The following PPRC1 variants were observed in gnomAD, a reference collection of about 807,000 sequenced individuals.
PPRC1 encodes the protein peroxisome proliferator-activated receptor gamma coactivator-related protein 1.
A neutral mutation model predicts 132.5 loss-of-function variants in PPRC1; 23 were observed. The ratio of observed to expected loss-of-function variants is 0.17; its 90% CI spans 0.12 to 0.25. The LOEUF is 0.25. Among genes scored for constraint, PPRC1 ranks in the 10% least tolerant of loss-of-function variants. The probability of loss-of-function intolerance (pLI) is 1.00; values close to 1 mark genes in which losing one functional copy is unlikely to be tolerated. For synonymous variants in PPRC1, 872 were observed against 833.5 expected (o/e 1.05, Z -0.80); for missense variants, 2,006 against 2,089.1 (o/e 0.96, Z 0.78).
In PPRC1 at chr10:102,139,084, C is replaced by T; in HGVS notation, c.592-16C>T. 6.2e-6 allele frequency: 10 copies of T among 1,607,322 alleles called. No individual in the cohort carries two copies. Among genetic ancestry groups the T allele is most frequent in the Non-Finnish European group, 8.5e-6 (10 of 1,175,468 alleles). ...CCAAAGAAAACTCCTCCTGAGACCTCTCTTCTCTCCTGCAGGTTGAAATGT... is the reference window on the plus strand; with the variant it reads ...CCAAAGAAAACTCCTCCTGAGACCTTTCTTCTCTCCTGCAGGTTGAAATGT... On this transcript the variant is annotated splice_polypyrimidine_tract_variant and intron_variant, in intron 4 of 13. Coordinates refer to ENST00000278070, the MANE Select transcript of PPRC1 (RefSeq NM_015062.5).
the PPRC1 span, among the ~76,000 whole-genome samples, chr10:102,127,020 C>CAT: frequency 1.0e-3 from 90 of 87,888 alleles, 1 homozygote; most frequent in East Asian, 2.3e-3. Context: ...GGTTTTTTAT[C>CAT]ATATATATAT....
intron 9 of PPRC1, among the ~76,000 whole-genome samples, chr10:102,147,936 T>C (rs1362513112): frequency 6.6e-6 from 1 of 152,182 alleles, no homozygotes; most frequent in African/African-American, 2.4e-5. Flanking sequence ...ACTACAAGTC[T>C]AGCAGTTAAC....
In PPRC1 at chr10:102,139,232, C is replaced by A; in HGVS notation, c.724C>A (p.Gln242Lys). Residue 242 changes from glutamine (Q) to lysine (K), a missense_variant, in exon 5 of 14, where the codon CAG (glutamine) becomes AAG (lysine). Gln to Lys is a moderately conservative substitution (Grantham distance 53). Around this residue, in one of 2 missense-constraint regions of PPRC1, gnomAD observed 1,914 missense variants for 1,917.2 expected, o/e 1.00. Transcript: ENST00000278070. ...CTGGGGCCAATCCCCACCTCCCCAGCAGCGCAGTGATGGAGAAGAAGAGGA... is the reference window on the plus strand; with the variant it reads ...CTGGGGCCAATCCCCACCTCCCCAGAAGCGCAGTGATGGAGAAGAAGAGGA... The part of the protein sequence containing the change: ...PRWGQSPPPQ[Q>K]RSDGEEEEEV... The A allele has an allele frequency of 6.2e-7, 1 of 1,614,186 alleles. No individual in the cohort carries two copies. Among genetic ancestry groups the A allele is most frequent in the Non-Finnish European group, 8.5e-7 (1 of 1,180,044 alleles).
At chr10:102,124,895 C>T in the PPRC1 span, among the ~76,000 whole-genome samples, 2 of 152,068 alleles carry the variant, frequency 1.3e-5, no homozygotes, top group Non-Finnish European at 2.9e-5. Flanking sequence ...ATCCTCCTGC[C>T]TTGACCTTCC....
upstream of PPRC1, among the ~76,000 whole-genome samples, chr10:102,130,919 G>A (rs558435914): frequency 1.6e-4 from 24 of 152,098 alleles, no homozygotes; most frequent in South Asian, 2.1e-4. Context: ...ATGGCCAGGC[G>A]TGGTGGCTCA....
At chr10:102,145,832 T>C (rs982655806) in intron 8 of PPRC1, among the ~76,000 whole-genome samples, 1 of 152,030 alleles carries the variant, frequency 6.6e-6, no homozygotes, top group African/African-American at 2.4e-5. Context: ...GCCACTGCCC[T>C]CCAGCCTAGG....
At chr10:102,128,775 G>A (rs1009560978), upstream of PPRC1, among the ~76,000 whole-genome samples, 16 of 148,938 alleles carry the variant, frequency 1.1e-4, no homozygotes, top group East Asian at 1.0e-3. Context: ...CCACCATGCC[G>A]GGCTAATTTT....
chr10:102,128,947 TGAGA>T (rs2068502456), upstream of PPRC1, among the ~76,000 whole-genome samples: 1 of 123,578 alleles, frequency 8.1e-6, no homozygotes, highest in Non-Finnish European at 1.7e-5. Context: ...TTTTTTTTTT[TGAGA>T]CGGAGTCTCG....
In PPRC1 at chr10:102,148,245, C is replaced by T. The variant is rs2069349243; in HGVS notation, c.4401-127C>T. On this transcript the variant is annotated intron_variant, in intron 9 of 13. Transcript: ENST00000278070. This position sits in a 1 kb window ranked among gnomAD's most constrained non-coding sequence, Gnocchi z 4.2. ...CTGAATGAAAATTGTTCTTCTAGAC[C>T]TCTTCTACTCTGCTTTGTCTTTGGT... 9.1e-7 allele frequency: 1 copy of T among 1,096,188 alleles called. No individual in the cohort carries two copies. Among genetic ancestry groups the T allele is most frequent in the South Asian group, 1.6e-5 (1 of 63,846 alleles). 67.9% of individuals were successfully genotyped at this position (1,096,188 alleles called of 1,614,324 possible).
chr10:102,148,719 A>G lies in PPRC1; in HGVS notation c.4617+25A>G, dbSNP rs1163144726. On this transcript the variant is annotated intron_variant, in intron 11 of 13. Transcript: ENST00000278070. The surrounding 1 kb of genome is among the most constrained non-coding windows in gnomAD (Gnocchi z 4.2). ...AGTGAGTAGAGGAACAGATCATGGG[A>G]GGATGGGGCTTACCCCCTGAGCCTT... 6.2e-7 allele frequency: 1 copy of G among 1,613,934 alleles called. No homozygotes were observed. The highest frequency in any genetic ancestry group is 1.3e-5 in the African/African-American group (1 of 74,906).
chr10:102,120,382 T>C, the PPRC1 span: 8 of 983,354 alleles, frequency 8.1e-6, no homozygotes, highest in African/African-American at 7.1e-5. Flanking sequence ...CGTGTGTGCG[T>C]GTGTGCGCGT....
At chr10:102,132,881 GACT>G, upstream of PPRC1, 1 of 808,236 alleles carries the variant, frequency 1.2e-6, no homozygotes, top group Non-Finnish European at 1.7e-6. Context: ...CACTTAAAGG[GACT>G]ACTACTCCCA....
intron 1 of PPRC1, among the ~76,000 whole-genome samples, chr10:102,135,815 A>C (rs1281384507): frequency 6.6e-6 from 1 of 152,194 alleles, no homozygotes; most frequent in Non-Finnish European, 1.5e-5. Context: ...TGGAGGGAGC[A>C]GGTTTGGTGG....
chr10:102,120,937 G>GAGA, the PPRC1 span, among the ~76,000 whole-genome samples: 2 of 152,188 alleles, frequency 1.3e-5, no homozygotes, highest in Admixed American at 1.3e-4. Context: ...TTCTTCTGGA[G>GAGA]GCCCCTTGTT....
upstream of PPRC1, chr10:102,132,864 C>A: frequency 1.5e-6 from 1 of 648,074 alleles, no homozygotes. Flanking sequence ...TAGTGCCAAA[C>A]GGTCCCCACT....
At chr10:102,135,449 G>A (rs1335442974) in intron 1 of PPRC1, among the ~76,000 whole-genome samples, 1 of 152,130 alleles carries the variant, frequency 6.6e-6, no homozygotes, top group Non-Finnish European at 1.5e-5. Context: ...TGTGATCTTG[G>A]CTCACTGCAA....
At position 102,133,101 on chromosome 10, in the gene PPRC1, C is replaced by T. The variant is rs2068580190; in HGVS notation, c.33C>T (p.Val11=). 2 of 1,244,104 alleles carry T rather than the reference C, an allele frequency of 1.6e-6. No individual in the cohort carries two copies. The highest frequency in any genetic ancestry group is 4.2e-5 in the Admixed American group (1 of 23,704). 77.1% of individuals were successfully genotyped at this position (1,244,104 alleles called of 1,614,324 possible). Residue 11 remains valine (V), a synonymous_variant, in exon 1 of 14, where the codon GTC becomes GTT. Transcript: ENST00000278070. ...CGCGCCGGGGACGGAGAGACGGAGTCGCGCCGCCCCCGAGTGGGGGCCCCG... is the reference window on the plus strand; with the variant it reads ...CGCGCCGGGGACGGAGAGACGGAGTTGCGCCGCCCCCGAGTGGGGGCCCCG... MAARRGRRDG[V]APPPSGGPGP...
In PPRC1 at chr10:102,139,420, C is replaced by T. The variant is rs1466124344; in HGVS notation, c.912C>T (p.Ser304=). ...VPAAGDESIS[S]LSELVRAMHP... is the part of the protein sequence containing the mutation. ...CAGCTGGTGATGAGAGCATCTCCTC[C>T]CTGAGTGAGCTGGTGCGGGCCATGC... is the stretch of plus-strand genomic sequence containing the variant. The change falls in exon 5 of 14, where the codon TCC becomes TCT. Residue 304 remains serine, a synonymous_variant. Transcript: ENST00000278070. The T allele has an allele frequency of 2.5e-6, 4 of 1,614,222 alleles. No individual in the cohort carries two copies. The highest frequency in any genetic ancestry group is 3.3e-5 in the Admixed American group (2 of 60,026).
rs770845881 is a variant in PPRC1, at chr10:102,148,518, G to T, written c.4547G>T (p.Arg1516Leu). The T allele has an allele frequency of 6.2e-7, 1 of 1,613,346 alleles. No individual in the cohort carries two copies. The highest frequency in any genetic ancestry group is 8.5e-7 in the Non-Finnish European group (1 of 1,179,266). ...PSPRRRSDRRRRYSSYRSHDH... is the reference protein window; with the variant it reads ...PSPRRRSDRRLRYSSYRSHDH... ...CCCCGCCGGAGAAGTGACAGGAGGC[G>T]GCGGTGAGCATGTGTTCAGGGAGCG... Residue 1516 changes from arginine (R) to leucine (L), a missense_variant, in exon 10 of 14, where the codon CGG (arginine) becomes CTG (leucine). This residue lies in a region of PPRC1 where 1,914 missense variants were observed against 1,917.2 expected (regional missense o/e 1.00). Coordinates refer to ENST00000278070, the MANE Select transcript of PPRC1 (RefSeq NM_015062.5). The surrounding 1 kb of genome is among the most constrained non-coding windows in gnomAD (Gnocchi z 4.2).
Sources: allele counts gnomAD v4.1 joint callset (sites outside exome capture counted in the v4.1 genomes callset), GRCh38; gene constraint gnomAD v4.1.1; regional missense constraint gnomAD v4.1.1; non-coding constraint Gnocchi (gnomAD v3.1); transcripts MANE v1.5; gene names NCBI Gene and HGNC (gene_info 2026-07-23, HGNC 2026-07-21).